HMGB1: variants seen among roughly 807,000 people sequenced by gnomAD.
HMGB1 encodes the protein high mobility group box 1.
For missense variants in HMGB1, 79 were observed against 253.5 expected (o/e 0.31, Z 4.67); for synonymous variants, 81 against 84.0 (o/e 0.96, Z 0.19).
rs1232347141 is a variant in HMGB1, at chr13:30,460,641, T to G, written c.*716A>C. On this transcript the variant is annotated 3_prime_UTR_variant, in exon 5 of 5. Transcript: ENST00000341423. ...TGAGTAGATTGATTACTCTTCAGTT[T>G]GTAAATGTAAGTGGGCTATGTGAAA... 6.6e-6 allele frequency: 1 copy of G among 152,646 alleles called. No individual in the cohort carries two copies. The highest frequency in any genetic ancestry group is 1.5e-5 in the Non-Finnish European group (1 of 68,024). The allele number at this position is 152,646 out of a possible 1,614,324, so 9.5% of individuals were successfully genotyped here.
intron 1 of HMGB1, among the ~76,000 whole-genome samples, chr13:30,471,654 C>CTT (rs1171119586): frequency 0.049 from 1,490 of 30,606 alleles, 330 homozygotes; most frequent in South Asian, 0.076. Context: ...CGTGCCCGGC[C>CTT]TTTTTTTTTT....
intron 1 of HMGB1, among the ~76,000 whole-genome samples, chr13:30,555,866 A>C (rs1378824708): frequency 6.6e-6 from 1 of 152,208 alleles, no homozygotes; most frequent in African/African-American, 2.4e-5. Context: ...CTCCATCGTC[A>C]AAAAGGAATG....
intron 1 of HMGB1, among the ~76,000 whole-genome samples, chr13:30,491,309 C>T (rs765246608): frequency 1.3e-5 from 2 of 152,130 alleles, no homozygotes; most frequent in Non-Finnish European, 2.9e-5. Flanking sequence ...AGATTACAGG[C>T]GTGAGCCACC....
At chr13:30,607,263 C>T (rs1015637733) in intron 1 of HMGB1, among the ~76,000 whole-genome samples, 14 of 152,318 alleles carry the variant, frequency 9.2e-5, no homozygotes, top group Admixed American at 5.2e-4. Flanking sequence ...TATTATCACT[C>T]ATATGGTTTG....
intron 1 of HMGB1, among the ~76,000 whole-genome samples, chr13:30,515,577 C>A (rs1054538159): frequency 6.6e-6 from 1 of 151,840 alleles, no homozygotes; most frequent in African/African-American, 2.4e-5. Flanking sequence ...CCAGTAAGGT[C>A]ATAATGCCAG....
chr13:30,464,860 C>G (rs1371284713), intron 1 of HMGB1: 1 of 150,330 alleles, frequency 6.7e-6, no homozygotes, highest in African/African-American at 2.5e-5. Context: ...CGCGCTCTGG[C>G]GCACACACTC....
chr13:30,612,462 C>T lies in HMGB1; in HGVS notation c.-15+4209G>A, dbSNP rs567640436. Among the ~76,000 whole-genome samples the T allele has an allele frequency of 3.3e-5, 5 of 152,330 alleles. No individual in the cohort carries two copies. The South Asian group carries it at 8.3e-4, about 25-fold the overall frequency. On this transcript the variant is annotated intron_variant, in intron 1 of 4. Coordinates refer to the HMGB1 transcript ENST00000405805. ...CAGTCATGTGCTGCAATGCCAGCTT[C>T]AAGCGAATACAGTTACTAAAGCATA...
intron 1 of HMGB1, among the ~76,000 whole-genome samples, chr13:30,594,633 T>C (rs1871523405): frequency 1.3e-5 from 2 of 152,256 alleles, no homozygotes; most frequent in African/African-American, 4.8e-5. Context: ...CATCAATTAA[T>C]GGGCACTTAC....
chr13:30,541,394 T>A (rs1868876854), intron 1 of HMGB1, among the ~76,000 whole-genome samples: 1 of 152,200 alleles, frequency 6.6e-6, no homozygotes, highest in Non-Finnish European at 1.5e-5. Flanking sequence ...AACCTAAGAT[T>A]TCCTGGAAGT....
chr13:30,497,947 G>A (rs927479784), intron 1 of HMGB1, among the ~76,000 whole-genome samples: 2 of 152,198 alleles, frequency 1.3e-5, no homozygotes, highest in Admixed American at 6.5e-5. Context: ...ATGGTAGAAT[G>A]ATTTCTAGTC....
intron 1 of HMGB1, among the ~76,000 whole-genome samples, chr13:30,490,991 T>A (rs1470849358): frequency 6.6e-6 from 1 of 152,094 alleles, no homozygotes; most frequent in Non-Finnish European, 1.5e-5. Context: ...TATGTTCAAT[T>A]CATTTTCAAC....
chr13:30,456,759 G>GT lies in HMGB1; in HGVS notation c.*4597_*4598insA, dbSNP rs1885997998. 1 of 71,378 alleles carries GT rather than the reference G, an allele frequency of 1.4e-5. No homozygotes were observed. The highest frequency in any genetic ancestry group is 3.1e-5 in the Non-Finnish European group (1 of 31,922). The allele number at this position is 71,378 out of a possible 1,614,324, so 4.4% of individuals were successfully genotyped here. On this transcript the variant is annotated 3_prime_UTR_variant, in exon 5 of 5. Coordinates refer to ENST00000341423, the MANE Select transcript of HMGB1 (RefSeq NM_002128.7). ...ACAGCATAAATAACAGCTTTTGTGG[G>GT]CGGGGGGGGGGGGTGGTGGGGTGCA...
intron 1 of HMGB1, among the ~76,000 whole-genome samples, chr13:30,609,026 C>T (rs189127406): frequency 1.1e-4 from 16 of 139,676 alleles, no homozygotes; most frequent in Admixed American, 1.1e-3. Context: ...CTTGGGGAGG[C>T]CAAGGCGGGT....
At chr13:30,581,877 T>C (rs1870915569) in intron 1 of HMGB1, among the ~76,000 whole-genome samples, 1 of 152,194 alleles carries the variant, frequency 6.6e-6, no homozygotes, top group South Asian at 2.1e-4. Flanking sequence ...GATTTCTTTC[T>C]TCAGTAAGTC....
In HMGB1 at chr13:30,486,746, G is replaced by T. The variant is rs142697318; in HGVS notation, c.-14-23052C>A. On this transcript the variant is annotated intron_variant, in intron 1 of 4. Transcript: ENST00000405805. ...AGTGAACGGGATTCCTATTTGCCAAGACCTCCAGGGAAGTGCTGGGAAATG... is the reference window on the plus strand; with the variant it reads ...AGTGAACGGGATTCCTATTTGCCAATACCTCCAGGGAAGTGCTGGGAAATG... 5.3e-5 allele frequency among the ~76,000 whole-genome samples: 8 copies of T among 152,192 alleles called. No individual in the cohort carries two copies. In the East Asian group the frequency reaches 1.5e-3, roughly 29 times the overall value.
chr13:30,482,252 C>T (rs1301326598), intron 1 of HMGB1, among the ~76,000 whole-genome samples: 1 of 152,152 alleles, frequency 6.6e-6, no homozygotes, highest in Non-Finnish European at 1.5e-5. Context: ...GTCCCTCCTC[C>T]TCTCCCTTTC....
chr13:30,581,041 C>T (rs1341196387), intron 1 of HMGB1, among the ~76,000 whole-genome samples: 1 of 152,158 alleles, frequency 6.6e-6, no homozygotes, highest in African/African-American at 2.4e-5. Context: ...AAGGAATCCT[C>T]TTGCCAAAGA....
chr13:30,499,829 T>G (rs1887694442), intron 1 of HMGB1, among the ~76,000 whole-genome samples: 2 of 152,200 alleles, frequency 1.3e-5, no homozygotes, highest in South Asian at 4.1e-4. Context: ...TAAACAAAAC[T>G]AAACCCTGCC....
chr13:30,538,396 G>A (rs1158555834), intron 1 of HMGB1, among the ~76,000 whole-genome samples: 1 of 152,054 alleles, frequency 6.6e-6, no homozygotes, highest in African/African-American at 2.4e-5. Context: ...TTGTCTGAGG[G>A]TATGACTTCA....
Sources: gnomAD v4.1 joint callset for allele counts (sites outside exome capture counted in the v4.1 genomes callset) on GRCh38, gnomAD v4.1.1 for gene constraint, MANE v1.5 for transcripts, NCBI Gene and HGNC (gene_info 2026-07-23, HGNC 2026-07-21) for gene names.